Variants in RICTOR observed in about 807,000 individuals in gnomAD.
RICTOR encodes rapamycin-insensitive companion of mTOR.
RICTOR carries 49 observed loss-of-function variants against 214.9 expected under a neutral mutation model. The ratio of observed to expected loss-of-function variants is 0.23; its 90% CI spans 0.18 to 0.29. RICTOR has a LOEUF of 0.29. RICTOR is among the 10% of genes least tolerant of loss of function. The pLI is 1.00. For synonymous variants in RICTOR, 717 were observed against 711.3 expected, an observed-to-expected ratio of 1.01 and a Z score of -0.13; for missense variants, 1,625 against 2,047.0, an observed-to-expected ratio of 0.79 and a Z score of 3.98.
In RICTOR at chr5:38,944,457, A is replaced by T; in HGVS notation, c.4902T>A (p.Thr1634=). The T allele has an allele frequency of 6.2e-7, 1 of 1,602,614 alleles. No individual in the cohort carries two copies. The highest frequency in any genetic ancestry group is 8.5e-7 in the Non-Finnish European group (1 of 1,176,932). Residue 1634 remains threonine (T), a synonymous_variant, in exon 36 of 38, where the codon ACT becomes ACA. Transcript: ENST00000357387. The stretch of plus-strand genomic sequence containing the variant: ...CATAGTTTACTCACGTTAAAAGCCC[A>T]GTCTCATGACATTTAGTTGAAACTG... ...SSSVSTKCHE[T]GLLTIKEKYP...
Position 38,952,231 on chromosome 5 carries a change from G to A in RICTOR, c.3092C>T (p.Ser1031Phe). The A allele has an allele frequency of 6.2e-7, 1 of 1,611,944 alleles. No individual in the cohort carries two copies. Among genetic ancestry groups the A allele is most frequent in the Non-Finnish European group, 8.5e-7 (1 of 1,178,392 alleles). Residue 1031 changes from serine to phenylalanine, a missense_variant, in exon 30 of 38, where the codon TCT becomes TTT. Transcript: ENST00000357387. ...TLSLNSESTS[S>F]RHNSESESVP... is the part of the protein sequence containing the mutation. Reference sequence around the variant, plus strand: ...AGATTCACTTTCACTATTATGTCTAGAGCTGGTTGACTCCGAGTTCAAACT... The same window carrying A: ...AGATTCACTTTCACTATTATGTCTAAAGCTGGTTGACTCCGAGTTCAAACT...
chr5:38,971,732 T>C, intron 11 of RICTOR, 145 bp downstream of exon 11: 2 of 566,440 alleles, frequency 3.5e-6, no homozygotes, highest in African/African-American at 3.8e-5. Flanking sequence ...AACTAAGTAG[T>C]AAATATTTAC....
At chr5:38,943,775 T>C (rs1433218501) in intron 36 of RICTOR, among the ~76,000 whole-genome samples, 1 of 152,018 alleles carries the variant, frequency 6.6e-6, no homozygotes, top group Non-Finnish European at 1.5e-5. Flanking sequence ...ATTGCACCAC[T>C]GCACTCCAGC....
At position 38,950,615 on chromosome 5, in the gene RICTOR, G is replaced by T. The variant is rs2112858202; in HGVS notation, c.3233C>A (p.Pro1078His). ...AGGGAATGAATTTTTATCCTTTATG[G>T]GTCCAGATCGGTCATAAAATGTTGG... ...TEPTFYDRSGPIKDKNSFPFF... is the reference protein window; with the variant it reads ...TEPTFYDRSGHIKDKNSFPFF... Residue 1078 changes from proline to histidine, a missense_variant, in exon 31 of 38, where the codon CCC becomes CAC. Pro to His is a moderately conservative substitution (Grantham distance 77). This residue lies in a region of RICTOR where 1,214 missense variants were observed against 1,470.5 expected (regional missense o/e 0.83). Transcript: ENST00000357387. 6.2e-7 allele frequency: 1 copy of T among 1,612,876 alleles called. No homozygotes were observed. The highest frequency in any genetic ancestry group is 8.5e-7 in the Non-Finnish European group (1 of 1,179,272).
At chr5:39,070,831 G>A (rs961115) in intron 2 of RICTOR, among the ~76,000 whole-genome samples, 1,760 of 152,238 alleles carry the variant, frequency 0.012, 35 homozygotes, top group African/African-American at 0.04. Flanking sequence ...AATGGCGAGA[G>A]GAAGCATTTG....
At chr5:39,030,718 T>A (rs542415413) in intron 2 of RICTOR, among the ~76,000 whole-genome samples, 3 of 152,170 alleles carry the variant, frequency 2.0e-5, no homozygotes, top group Non-Finnish European at 4.4e-5. Flanking sequence ...CACAGTAGGC[T>A]TTCAAGAATT....
intron 16 of RICTOR, among the ~76,000 whole-genome samples, chr5:38,963,374 AC>A (rs1326519789): frequency 7.2e-5 from 11 of 151,968 alleles, no homozygotes; most frequent in Non-Finnish European, 1.6e-4. Context: ...TTTGCTTTTC[AC>A]GTATAAATCC....
At chr5:38,982,632 C>T (rs1257494319) in intron 7 of RICTOR, among the ~76,000 whole-genome samples, 2 of 152,062 alleles carry the variant, frequency 1.3e-5, no homozygotes, top group Non-Finnish European at 1.5e-5. Flanking sequence ...AATCAATTAT[C>T]CTGGGATGCT....
At chr5:39,035,548 A>G (rs898555306) in intron 2 of RICTOR, among the ~76,000 whole-genome samples, 2 of 152,206 alleles carry the variant, frequency 1.3e-5, no homozygotes, top group Non-Finnish European at 2.9e-5. Context: ...AGTTCGAACC[A>G]ATGGCAAAGA....
intron 6 of RICTOR, among the ~76,000 whole-genome samples, chr5:38,994,461 G>T (rs138098751): frequency 1.1e-5 from 1 of 88,928 alleles, no homozygotes; most frequent in Non-Finnish European, 2.3e-5. Flanking sequence ...AAGTGCTTCA[G>T]ATGCCAAAAG....
intron 7 of RICTOR, among the ~76,000 whole-genome samples, chr5:38,990,273 A>G (rs901658351): frequency 9.2e-5 from 14 of 151,994 alleles, no homozygotes; most frequent in African/African-American, 3.4e-4. Context: ...GTTGTCACTC[A>G]TAAGTGGGAG....
Position 39,015,612 on chromosome 5 carries a change from C to T in RICTOR, c.195+5427G>A, listed in dbSNP as rs143463716. On this transcript the variant is annotated intron_variant, in intron 3 of 37. Transcript: ENST00000357387. The stretch of plus-strand genomic sequence containing the variant: ...CCCTAAAATACACACAGCAGCTTCT[C>T]AAAACAAATAATCATCTGGCTCAAT... 6.6e-5 allele frequency among the ~76,000 whole-genome samples: 10 copies of T among 151,948 alleles called. No homozygotes were observed. In the East Asian group the frequency reaches 1.7e-3, roughly 27 times the overall value.
intron 2 of RICTOR, among the ~76,000 whole-genome samples, chr5:39,026,968 A>G (rs1159697016): frequency 6.6e-6 from 1 of 152,104 alleles, no homozygotes; most frequent in South Asian, 2.1e-4. Context: ...AGATCGCACC[A>G]TTGCACTCCA....
At chr5:38,965,926 A>G (rs1428606504) in intron 15 of RICTOR, among the ~76,000 whole-genome samples, 1 of 152,118 alleles carries the variant, frequency 6.6e-6, no homozygotes, top group Non-Finnish European at 1.5e-5. Flanking sequence ...TGAGTTTTAA[A>G]TGGTTCTTTT....
At chr5:39,068,299 T>C (rs754332180) in intron 2 of RICTOR, among the ~76,000 whole-genome samples, 1 of 152,104 alleles carries the variant, frequency 6.6e-6, no homozygotes, top group Non-Finnish European at 1.5e-5. Flanking sequence ...GATTCTCAAG[T>C]AGGGGCATAC....
intron 1 of RICTOR, 53 bp downstream of exon 1, chr5:39,074,276 G>T: frequency 6.4e-7 from 1 of 1,570,024 alleles, no homozygotes. Flanking sequence ...GAAGGCAAGT[G>T]CCAGGGGTGG....
chr5:39,047,799 G>A (rs1291690477), intron 2 of RICTOR, among the ~76,000 whole-genome samples: 2 of 152,180 alleles, frequency 1.3e-5, no homozygotes, highest in African/African-American at 2.4e-5. Context: ...TTGTGGAGAA[G>A]AGACTATGGA....
At chr5:39,052,831 A>G (rs984260929) in intron 2 of RICTOR, among the ~76,000 whole-genome samples, 2 of 151,954 alleles carry the variant, frequency 1.3e-5, no homozygotes, top group Non-Finnish European at 2.9e-5. Flanking sequence ...CTAGCTCTAA[A>G]CTCTGCTTAC....
intron 2 of RICTOR, among the ~76,000 whole-genome samples, chr5:39,069,714 G>A (rs1179087026): frequency 6.6e-6 from 1 of 152,094 alleles, no homozygotes; most frequent in African/African-American, 2.4e-5. Context: ...CAACGCCATG[G>A]TCCAGTCTTC....
Sources: allele counts gnomAD v4.1 joint callset (sites outside exome capture counted in the v4.1 genomes callset), GRCh38; gene constraint gnomAD v4.1.1; regional missense constraint gnomAD v4.1.1; transcripts MANE v1.5; gene names NCBI Gene and HGNC (gene_info 2026-07-23, HGNC 2026-07-21).